RBM6: variants seen among roughly 807,000 people sequenced by gnomAD.
RBM6 encodes the protein RNA binding motif protein 6.
A neutral mutation model predicts 140.4 loss-of-function variants in RBM6; 23 were observed. The observed-to-expected ratio is 0.16, with a 90% CI of 0.12 to 0.23. The LOEUF (loss-of-function observed/expected upper bound fraction) is 0.23. Among genes scored for constraint, RBM6 ranks in the 10% least tolerant of loss-of-function variants. The pLI is 1.00. For synonymous variants in RBM6, 439 were observed against 475.6 expected (o/e 0.92, Z 1.00); for missense variants, 1,139 against 1,386.7 (o/e 0.82, Z 2.84).
intron 6 of RBM6, among the ~76,000 whole-genome samples, chr3:50,043,557 T>C (rs2089049882): frequency 6.6e-6 from 1 of 151,478 alleles, no homozygotes; most frequent in Non-Finnish European, 1.5e-5. Flanking sequence ...TACATACATA[T>C]ATGTATGTAC....
At chr3:50,043,342 G>T (rs1397993775) in intron 6 of RBM6, among the ~76,000 whole-genome samples, 1 of 151,714 alleles carries the variant, frequency 6.6e-6, no homozygotes, top group Non-Finnish European at 1.5e-5. Flanking sequence ...AATTATCCCG[G>T]TGTAGTGGCG....
At chr3:50,034,254 G>A (rs763186351) in intron 6 of RBM6, among the ~76,000 whole-genome samples, 1 of 151,958 alleles carries the variant, frequency 6.6e-6, no homozygotes, top group East Asian at 1.9e-4. Flanking sequence ...GAAGTGCTGG[G>A]ATTACAAGCG....
At chr3:50,019,401 A>T (rs192029223) in intron 6 of RBM6, among the ~76,000 whole-genome samples, 1 of 152,218 alleles carries the variant, frequency 6.6e-6, no homozygotes, top group Admixed American at 6.5e-5. Context: ...TCTAATCCAT[A>T]TACCTTTTAT....
intron 19 of RBM6, among the ~76,000 whole-genome samples, chr3:50,071,814 G>C (rs2090307100): frequency 6.6e-6 from 1 of 152,162 alleles, no homozygotes; most frequent in Non-Finnish European, 1.5e-5. Flanking sequence ...GGCCAGGCGT[G>C]GTGGCTTACG....
At chr3:50,023,925 G>A (rs376080508) in intron 6 of RBM6, among the ~76,000 whole-genome samples, 1 of 152,098 alleles carries the variant, frequency 6.6e-6, no homozygotes, top group Non-Finnish European at 1.5e-5. Flanking sequence ...TGGGATTACA[G>A]GTGTGAGCCA....
intron 4 of RBM6, among the ~76,000 whole-genome samples, chr3:49,974,396 G>A (rs1228843254): frequency 4.7e-5 from 7 of 149,260 alleles, no homozygotes; most frequent in Non-Finnish European, 1.0e-4. Flanking sequence ...TTTTGAGATG[G>A]AGTCTCGCTC....
At chr3:49,940,907 T>C (rs1464294896) in intron 1 of RBM6, 1 of 151,536 alleles carries the variant, frequency 6.6e-6, no homozygotes, top group African/African-American at 2.4e-5. Flanking sequence ...TTTTTTTTTT[T>C]TTTGAAGGAA....
Position 50,036,867 on chromosome 3 carries a change from C to G in RBM6, c.1558-11378C>G, listed in dbSNP as rs146982238. ...CGCGATCTTGGCTCACTGCAGCCTC[C>G]GCCTCCTGGGTTCAAGTGATTCTCC... is the stretch of plus-strand genomic sequence containing the variant. On this transcript the variant is annotated intron_variant, in intron 6 of 20. Coordinates refer to ENST00000266022, the MANE Select transcript of RBM6 (RefSeq NM_005777.3). Among the ~76,000 whole-genome samples the G allele has an allele frequency of 7.0e-3, 1,059 of 152,132 alleles. 14 individuals are homozygous for G. Among genetic ancestry groups the G allele is most frequent in the African/African-American group, 0.024 (1,009 of 41,516 alleles).
intron 8 of RBM6, among the ~76,000 whole-genome samples, chr3:50,056,983 A>G (rs1297829120): frequency 6.6e-6 from 1 of 152,196 alleles, no homozygotes; most frequent in Non-Finnish European, 1.5e-5. Flanking sequence ...ACACTGGAAG[A>G]AGCAAGGCTT....
intron 10 of RBM6, 121 bp from the exon 11 acceptor site, chr3:50,059,528 T>A: frequency 2.7e-6 from 2 of 739,862 alleles, no homozygotes. Flanking sequence ...CAGAATATAA[T>A]GTAGTAAATT....
At chr3:49,980,654 C>T (rs1255516473) in intron 5 of RBM6, among the ~76,000 whole-genome samples, 2 of 149,600 alleles carry the variant, frequency 1.3e-5, no homozygotes, top group African/African-American at 2.4e-5. Flanking sequence ...CCCAGCTACT[C>T]GGGAGGCTAA....
At chr3:49,958,197 G>A (rs1028861735) in intron 1 of RBM6, among the ~76,000 whole-genome samples, 1 of 152,132 alleles carries the variant, frequency 6.6e-6, no homozygotes, top group Non-Finnish European at 1.5e-5. Flanking sequence ...AGGCTAAGGC[G>A]GGCGGATCAC....
chr3:50,054,561 A>C (rs1046027416), intron 8 of RBM6, among the ~76,000 whole-genome samples, 166 bp downstream of exon 8: 1 of 149,540 alleles, frequency 6.7e-6, no homozygotes, highest in Non-Finnish European at 1.5e-5. Flanking sequence ...GCTGGAGTGC[A>C]GTGGCACCAT....
chr3:50,023,942 C>A (rs1178187375), intron 6 of RBM6, among the ~76,000 whole-genome samples: 1 of 152,094 alleles, frequency 6.6e-6, no homozygotes, highest in Non-Finnish European at 1.5e-5. Flanking sequence ...GCCACTGCTC[C>A]CAGCCGGGTG....
chr3:49,954,018 C>A (rs927406587), intron 1 of RBM6, among the ~76,000 whole-genome samples: 3 of 152,026 alleles, frequency 2.0e-5, no homozygotes, highest in Non-Finnish European at 4.4e-5. Flanking sequence ...CATTTGTAGT[C>A]CCAGCTACTC....
Position 50,064,850 on chromosome 3 carries a change from T to C in RBM6, c.2587-181T>C, listed in dbSNP as rs1013458597. ...ACCACGCCCAGCTAATTTTTTGTAT[T>C]TTTAGTAGAGATGGAGTTTCACTGC... is the stretch of plus-strand genomic sequence containing the variant. On this transcript the variant is annotated intron_variant, in intron 15 of 20. Coordinates refer to ENST00000266022, the MANE Select transcript of RBM6 (RefSeq NM_005777.3). 5.3e-5 allele frequency among the ~76,000 whole-genome samples: 8 copies of C among 152,262 alleles called. No homozygotes were observed. The South Asian group carries it at 1.5e-3, about 28-fold the overall frequency.
At chr3:49,959,112 A>G (rs2084157143) in intron 1 of RBM6, among the ~76,000 whole-genome samples, 1 of 147,542 alleles carries the variant, frequency 6.8e-6, no homozygotes, top group Non-Finnish European at 1.5e-5. Flanking sequence ...CCCTTTTAGC[A>G]TTTCTTACAA....
At chr3:49,994,672 GT>G in intron 5 of RBM6, among the ~76,000 whole-genome samples, 1 of 148,966 alleles carries the variant, frequency 6.7e-6, no homozygotes, top group Non-Finnish European at 1.5e-5. Flanking sequence ...GCTGTGGGGT[GT>G]GTGTGTGTGT....
At chr3:50,022,433 T>C (rs7650214) in intron 6 of RBM6, among the ~76,000 whole-genome samples, 80,380 of 151,576 alleles carry the variant, frequency 0.53, 21,974 homozygotes, top group East Asian at 0.86. Flanking sequence ...CGGGTTCAAG[T>C]GATTCTCCTG....
Sources: gnomAD v4.1 joint callset for allele counts (sites outside exome capture counted in the v4.1 genomes callset) on GRCh38, gnomAD v4.1.1 for gene constraint, MANE v1.5 for transcripts, NCBI Gene and HGNC (gene_info 2026-07-23, HGNC 2026-07-21) for gene names.